MICU2: variants seen among roughly 807,000 people sequenced by gnomAD.
MICU2 encodes the protein mitochondrial calcium uptake 2, also known as calcium uptake protein 2, mitochondrial.
Under a neutral mutation model 60.4 loss-of-function variants are expected in MICU2, and 64 were observed. The observed-to-expected ratio is 1.06, with a 90% CI of 0.87 to 1.31. MICU2 has a LOEUF of 1.31. Among genes scored for constraint, MICU2 ranks in the 50% most tolerant of loss-of-function variants. The probability of loss-of-function intolerance (pLI) is 0.00; values close to 1 mark genes in which losing one functional copy is unlikely to be tolerated. For synonymous variants in MICU2, 201 were observed against 175.0 expected, an observed-to-expected ratio of 1.15 and a Z score of -1.17; for missense variants, 569 against 531.0, an observed-to-expected ratio of 1.07 and a Z score of -0.70.
rs17853347 is a variant in MICU2 at position 21,514,401 on chromosome 13, A to G, written c.615T>C (p.Ser205=). The G allele has an allele frequency of 1.9e-6, 3 of 1,613,352 alleles. No homozygotes were observed. Residue 205 remains serine, a synonymous_variant, in exon 7 of 12, where the codon AGT becomes AGC. Coordinates refer to ENST00000382374, the MANE Select transcript of MICU2 (RefSeq NM_152726.3). The part of the protein sequence containing the change: ...REFFKLQKII[S]KQDDLMTVKT... The stretch of plus-strand genomic sequence containing the variant: ...TCACTGTCATCAAGTCATCTTGTTT[A>G]CTTATGATCTTCTGCAGCTAAAAAG...
At chr13:21,530,257 A>G (rs1886957245) in intron 4 of MICU2, among the ~76,000 whole-genome samples, 2 of 152,170 alleles carry the variant, frequency 1.3e-5, no homozygotes, top group South Asian at 2.1e-4. Flanking sequence ...AATGCTATGT[A>G]TATTCTCTAT....
chr13:21,510,103 T>A lies in MICU2; in HGVS notation c.664-2A>T. On this transcript the variant is annotated splice_acceptor_variant, in intron 7 of 11. Transcript: ENST00000382374. LOFTEE classifies it high-confidence loss of function. ...TTCAGGTTCTTTCACTATTGCTTCC[T>A]ATTAAAAAAATCACAATAATTTAAA... 1 of 1,414,926 alleles carries A rather than the reference T, an allele frequency of 7.1e-7. No individual in the cohort carries two copies. The highest frequency in any genetic ancestry group is 1.5e-5 in the African/African-American group (1 of 67,288). 87.6% of individuals were successfully genotyped at this position (1,414,926 alleles called of 1,614,324 possible). A position where few individuals can be genotyped will look rare whatever the true frequency, so the allele number is the denominator to read the frequency against.
intron 6 of MICU2, among the ~76,000 whole-genome samples, chr13:21,517,153 AG>A (rs1315761682): frequency 2.0e-5 from 3 of 152,240 alleles, no homozygotes; most frequent in African/African-American, 7.2e-5. Flanking sequence ...CACAGTTTTC[AG>A]ATCTGAATGT....
chr13:21,526,160 C>T (rs1476195643), intron 4 of MICU2, among the ~76,000 whole-genome samples: 1 of 136,214 alleles, frequency 7.3e-6, no homozygotes, highest in Admixed American at 7.9e-5. Flanking sequence ...TCCTATGTTG[C>T]CCTGGCTGGT....
intron 2 of MICU2, among the ~76,000 whole-genome samples, chr13:21,553,277 T>C (rs886282167): frequency 4.6e-5 from 7 of 152,236 alleles, no homozygotes; most frequent in African/African-American, 1.4e-4. Flanking sequence ...ACATTGATTT[T>C]GTATCCTGAG....
intron 1 of MICU2, among the ~76,000 whole-genome samples, chr13:21,591,100 A>T (rs1888571695): frequency 6.6e-6 from 1 of 150,556 alleles, no homozygotes; most frequent in Non-Finnish European, 1.5e-5. Flanking sequence ...AAATTGAATA[A>T]AGAGTCAAGA....
At chr13:21,588,840 C>T (rs571736377) in intron 1 of MICU2, among the ~76,000 whole-genome samples, 16 of 152,254 alleles carry the variant, frequency 1.1e-4, no homozygotes, top group South Asian at 1.0e-3. Context: ...ATTAGAATCT[C>T]GCGGGGAATA....
At chr13:21,551,459 T>G (rs1272452270) in intron 2 of MICU2, 1 of 152,164 alleles carries the variant, frequency 6.6e-6, no homozygotes, top group Non-Finnish European at 1.5e-5. Flanking sequence ...TTTTATACTT[T>G]AAGTTTTAGG....
intron 1 of MICU2, among the ~76,000 whole-genome samples, chr13:21,578,723 C>A (rs1280281122): frequency 1.3e-5 from 2 of 152,142 alleles, no homozygotes; most frequent in African/African-American, 4.8e-5. Flanking sequence ...CTGCTATGTG[C>A]AACCTCACTA....
chr13:21,563,915 T>A (rs963928481), intron 2 of MICU2, among the ~76,000 whole-genome samples: 3 of 151,974 alleles, frequency 2.0e-5, no homozygotes, highest in African/African-American at 7.2e-5. Flanking sequence ...GCTCAAGTGA[T>A]CCTCAGCCTC....
intron 6 of MICU2, chr13:21,515,617 C>CA (rs1886552618): frequency 2.4e-6 from 1 of 418,062 alleles, no homozygotes; most frequent in Non-Finnish European, 4.8e-6. Context: ...CAGATGTAGA[C>CA]AAAATCCCAA....
intron 4 of MICU2, among the ~76,000 whole-genome samples, chr13:21,523,602 G>C (rs1247087615): frequency 2.0e-5 from 3 of 152,204 alleles, no homozygotes; most frequent in Admixed American, 2.0e-4. Context: ...CCCTACCTTT[G>C]CCTCTGCAAG....
intron 7 of MICU2, among the ~76,000 whole-genome samples, chr13:21,511,873 C>A (rs1393170601): frequency 6.6e-6 from 1 of 151,674 alleles, no homozygotes; most frequent in Non-Finnish European, 1.5e-5. Context: ...GTATCTTTTG[C>A]CATATCAATT....
chr13:21,539,596 C>A (rs1440346726), intron 3 of MICU2, 61 bp downstream of exon 3: 1 of 1,608,850 alleles, frequency 6.2e-7, no homozygotes, highest in African/African-American at 1.3e-5. Flanking sequence ...CCGTGCCCGG[C>A]CAAAAGTTCA....
At chr13:21,559,351 A>G (rs1887783813) in intron 2 of MICU2, among the ~76,000 whole-genome samples, 1 of 152,196 alleles carries the variant, frequency 6.6e-6, no homozygotes, top group Admixed American at 6.5e-5. Flanking sequence ...GCTTTTGCTA[A>G]TATAACACTG....
chr13:21,529,047 G>A (rs7335231), intron 4 of MICU2, among the ~76,000 whole-genome samples: 3,308 of 152,216 alleles, frequency 0.022, 124 homozygotes, highest in African/African-American at 0.076. Context: ...AGGACACAAA[G>A]GGCTTATATA....
intron 1 of MICU2, among the ~76,000 whole-genome samples, chr13:21,585,321 T>C (rs1888433463): frequency 6.6e-6 from 1 of 152,256 alleles, no homozygotes; most frequent in South Asian, 2.1e-4. Context: ...TTTGCATTCT[T>C]CCTTTACTGT....
Position 21,538,456 on chromosome 13 carries a change from C to G in MICU2, c.466+846G>C, listed in dbSNP as rs1471706649. On this transcript the variant is annotated intron_variant, in intron 4 of 11. Coordinates refer to ENST00000382374, the MANE Select transcript of MICU2 (RefSeq NM_152726.3). Reference sequence around the variant, plus strand: ...GTATGGTGGTGCACACCTGTAGTCCCAGCAGGCTGCAGCAGGAGGACTGCT... The same window carrying G: ...GTATGGTGGTGCACACCTGTAGTCCGAGCAGGCTGCAGCAGGAGGACTGCT... 9.3e-5 allele frequency among the ~76,000 whole-genome samples: 14 copies of G among 149,962 alleles called. No homozygotes were observed. The Admixed American group carries it at 9.4e-4, about 10-fold the overall frequency.
intron 3 of MICU2, 119 bp downstream of exon 3, chr13:21,539,538 T>C: frequency 1.4e-6 from 2 of 1,386,552 alleles, no homozygotes; most frequent in Middle Eastern, 3.7e-4. Flanking sequence ...GACCTCGTGA[T>C]CCGCCCACCT....
Sources: allele counts gnomAD v4.1 joint callset (sites outside exome capture counted in the v4.1 genomes callset), GRCh38; gene constraint gnomAD v4.1.1; transcripts MANE v1.5; gene names NCBI Gene and HGNC (gene_info 2026-07-23, HGNC 2026-07-21).